The following FRMD3 variants were observed in gnomAD, a reference collection of about 807,000 sequenced individuals.
The protein encoded by FRMD3 is FERM domain containing 3.
FRMD3 carries 33 observed loss-of-function variants against 70.2 expected under a neutral mutation model. The observed-to-expected ratio is 0.47, with a 90% CI of 0.36 to 0.63. The LOEUF is 0.63. Among genes scored for constraint, FRMD3 ranks in the 20% least tolerant of loss-of-function variants. The pLI is 0.00. For synonymous variants in FRMD3, 279 were observed against 255.9 expected (o/e 1.09, Z -0.86); for missense variants, 632 against 711.4 (o/e 0.89, Z 1.27).
At chr9:83,243,241 A>G, downstream of FRMD3, 1 of 1,549,678 alleles carries the variant, frequency 6.5e-7, no homozygotes, top group East Asian at 2.4e-5. Flanking sequence ...CAGGTCCAAG[A>G]GAAAAGGAGA....
At chr9:83,520,455 G>A (rs1412194842) in intron 1 of FRMD3, among the ~76,000 whole-genome samples, 1 of 152,138 alleles carries the variant, frequency 6.6e-6, no homozygotes, top group African/African-American at 2.4e-5. Flanking sequence ...ATTCCTCTCT[G>A]CTTCCAGAGT....
intron 1 of FRMD3, among the ~76,000 whole-genome samples, chr9:83,481,769 T>C (rs767777403): frequency 3.9e-5 from 6 of 152,180 alleles, no homozygotes; most frequent in Non-Finnish European, 8.8e-5. Context: ...GAAGGCTGAA[T>C]AAAATTATTT....
At chr9:83,459,189 T>G (rs1827901395) in intron 1 of FRMD3, among the ~76,000 whole-genome samples, 1 of 152,168 alleles carries the variant, frequency 6.6e-6, no homozygotes, top group Non-Finnish European at 1.5e-5. Flanking sequence ...TAGATTCCAT[T>G]TGTCCATCAC....
At chr9:83,408,400 G>T (rs192349689) in intron 1 of FRMD3, among the ~76,000 whole-genome samples, 1 of 152,112 alleles carries the variant, frequency 6.6e-6, no homozygotes, top group Non-Finnish European at 1.5e-5. Context: ...TCACCAGGTT[G>T]TCATGTCCTA....
In FRMD3 at chr9:83,464,806, GT is replaced by G. The variant is rs556913659; in HGVS notation, c.147+73278del. 5.6e-3 allele frequency among the ~76,000 whole-genome samples: 846 copies of G among 152,192 alleles called. 7 individuals are homozygous for G. Among genetic ancestry groups the G allele is most frequent in the African/African-American group, 0.019 (804 of 41,510 alleles). ...CGCCAAGGTGGGCGGACCACTTGAG[GT>G]CAGGAATTCAAGACCAGCCTGGCGA... is the stretch of plus-strand genomic sequence containing the variant. On this transcript the variant is annotated intron_variant, in intron 1 of 13. Transcript: ENST00000304195.
the FRMD3 span, among the ~76,000 whole-genome samples, chr9:83,584,911 A>C: frequency 3.3e-5 from 5 of 152,370 alleles, no homozygotes; most frequent in Non-Finnish European, 2.9e-5. Context: ...TTATTGAATT[A>C]AGTAAATAAA....
rs1825182498 is a variant in FRMD3, at chr9:83,377,365, A to G, written c.253-4410T>C. Among the ~76,000 whole-genome samples, 2 of 152,238 alleles carry G rather than the reference A, an allele frequency of 1.3e-5. 1 individual carries two copies. The highest frequency in any genetic ancestry group is 2.9e-5 in the Non-Finnish European group (2 of 68,038). On this transcript the variant is annotated intron_variant, in intron 2 of 13. Transcript: ENST00000304195. ...TTAGGAGTGTTAACCAAAGAAAACC[A>G]TGACTTCAGTATTTTCCGTGATGTT...
rs1234846454 is a variant in FRMD3, at chr9:83,357,266, T to C, written c.296-7509A>G. On this transcript the variant is annotated intron_variant, in intron 3 of 13. Coordinates refer to ENST00000304195, the MANE Select transcript of FRMD3 (RefSeq NM_174938.6). ...ACATACATATATATATATATATATA[T>C]ATATATATATATATATATATATATA... Among the ~76,000 whole-genome samples, 105 of 65,366 alleles carry C rather than the reference T, an allele frequency of 1.6e-3. 19 individuals are homozygous for C. The highest frequency in any genetic ancestry group is 9.1e-3 in the African/African-American group (101 of 11,050). 42.9% of individuals were successfully genotyped at this position (65,366 alleles called of 152,430 possible). A position where few individuals can be genotyped will look rare whatever the true frequency, so the allele number is the denominator to read the frequency against.
At chr9:83,516,155 A>G (rs373011524) in intron 1 of FRMD3, among the ~76,000 whole-genome samples, 1 of 152,198 alleles carries the variant, frequency 6.6e-6, no homozygotes, top group African/African-American at 2.4e-5. Flanking sequence ...AAATGCCCCA[A>G]TTAAAAGACA....
chr9:83,394,778 G>T (rs1292498115), intron 1 of FRMD3, among the ~76,000 whole-genome samples: 1 of 152,060 alleles, frequency 6.6e-6, no homozygotes, highest in Non-Finnish European at 1.5e-5. Context: ...CTACTTGTCA[G>T]AAAAGTCCAC....
At chr9:83,288,132 A>G (rs1273645068) in intron 13 of FRMD3, among the ~76,000 whole-genome samples, 1 of 152,250 alleles carries the variant, frequency 6.6e-6, no homozygotes, top group Non-Finnish European at 1.5e-5. Flanking sequence ...AACAAGGCCC[A>G]TTCACAAAGA....
At chr9:83,279,298 T>C (rs1024137968) in intron 13 of FRMD3, 1 of 152,228 alleles carries the variant, frequency 6.6e-6, no homozygotes, top group Non-Finnish European at 1.5e-5. Flanking sequence ...CTAGCTGTTA[T>C]TAATTTTCAA....
At chr9:83,538,477 C>G, upstream of FRMD3, 2 of 341,480 alleles carry the variant, frequency 5.9e-6, no homozygotes, top group African/African-American at 2.1e-5. This position sits in a 1 kb window ranked among gnomAD's most constrained non-coding sequence, Gnocchi z 4.7. Context: ...CGCGCGCGCT[C>G]GTGCGCCTCC....
chr9:83,425,512 C>T lies in FRMD3; in HGVS notation c.148-35804G>A, dbSNP rs766768502. On this transcript the variant is annotated intron_variant, in intron 1 of 13. Coordinates refer to ENST00000304195, the MANE Select transcript of FRMD3 (RefSeq NM_174938.6). ...GGCCCGGGGAAACCTGTCCAGCAGG[C>T]ACCTTATTCAGAAGCCTTGATGTTA... is the stretch of plus-strand genomic sequence containing the variant. Among the ~76,000 whole-genome samples the T allele has an allele frequency of 9.9e-5, 15 of 152,140 alleles. 1 individual carries two copies. Among genetic ancestry groups the T allele is most frequent in the Non-Finnish European group, 1.9e-4 (13 of 68,034 alleles).
intron 1 of FRMD3, among the ~76,000 whole-genome samples, chr9:83,456,444 G>A (rs1827819355): frequency 1.3e-5 from 2 of 152,174 alleles, no homozygotes; most frequent in Admixed American, 6.5e-5. Context: ...GTCAGAGAGA[G>A]AGAGGTAGAT....
At position 83,291,026 on chromosome 9, in the gene FRMD3, A is replaced by G. The variant is rs548200847; in HGVS notation, c.1071-299T>C. On this transcript the variant is annotated intron_variant, in intron 12 of 13. Coordinates refer to ENST00000304195, the MANE Select transcript of FRMD3 (RefSeq NM_174938.6). ...CCTGGGCGTTTTTTAAAAAAAAAGA[A>G]AGAAGAAACAAAAAGACATGGGAGG... Among the ~76,000 whole-genome samples, 6 of 152,332 alleles carry G rather than the reference A, an allele frequency of 3.9e-5. No homozygotes were observed. The South Asian group carries it at 1.2e-3, about 32-fold the overall frequency.
intron 1 of FRMD3, among the ~76,000 whole-genome samples, chr9:83,490,260 T>C (rs1375030250): frequency 6.6e-6 from 1 of 152,158 alleles, no homozygotes; most frequent in East Asian, 1.9e-4. Flanking sequence ...TTTTCTAACT[T>C]CCTTTTGTAG....
Position 83,290,621 on chromosome 9 carries a change from C to T in FRMD3, c.1177G>A (p.Glu393Lys). ...GACTTACCCTCACCCAGAGGAAGTT[C>T]TTCTTCTTGCTCGCTGGGGGAAGGA... ...LLPSPSEQEE[E>K]LPLGEGVPLP... Residue 393 changes from glutamate (E) to lysine (K), a missense_variant, in exon 13 of 14, where the codon GAA becomes AAA. Glu to Lys is a moderately conservative substitution (Grantham distance 56). Transcript: ENST00000304195. The T allele has an allele frequency of 6.2e-7, 1 of 1,613,912 alleles. No homozygotes were observed. The highest frequency in any genetic ancestry group is 8.5e-7 in the Non-Finnish European group (1 of 1,179,854).
In FRMD3 at chr9:83,245,543, A is replaced by G; in HGVS notation, c.*2375T>C. The G allele has an allele frequency of 2.1e-6, 2 of 943,310 alleles. No homozygotes were observed. Among genetic ancestry groups the G allele is most frequent in the Non-Finnish European group, 2.5e-6 (2 of 791,712 alleles). The allele number at this position is 943,310 out of a possible 1,614,324, so 58.4% of individuals were successfully genotyped here. A position where few individuals can be genotyped will look rare whatever the true frequency, so the allele number is the denominator to read the frequency against. The stretch of plus-strand genomic sequence containing the variant: ...AGATGTTAGCTGGAAATGTTAAAAT[A>G]ATATATTTATTACTCCTTAAGATAA... On this transcript the variant is annotated 3_prime_UTR_variant, in exon 14 of 14. Coordinates refer to ENST00000304195, the MANE Select transcript of FRMD3 (RefSeq NM_174938.6).
Sources: allele counts gnomAD v4.1 joint callset (sites outside exome capture counted in the v4.1 genomes callset), GRCh38; gene constraint gnomAD v4.1.1; non-coding constraint Gnocchi (gnomAD v3.1); transcripts MANE v1.5; gene names NCBI Gene and HGNC (gene_info 2026-07-23, HGNC 2026-07-21).